The following CFI variants were observed in gnomAD, a reference collection of about 807,000 sequenced individuals.
The protein encoded by CFI is complement factor I, also known as C3B/C4B inactivator.
CFI carries 66 observed loss-of-function variants against 78.8 expected under a neutral mutation model. The ratio of observed to expected loss-of-function variants is 0.84; its 90% CI spans 0.69 to 1.03. The LOEUF (loss-of-function observed/expected upper bound fraction) is 1.03. Among genes scored for constraint, CFI ranks in the 50% least tolerant of loss-of-function variants. CFI has a pLI of 0.00. For missense variants in CFI, 706 were observed against 704.5 expected, an observed-to-expected ratio of 1.00 and a Z score of -0.02; for synonymous variants, 250 against 232.6, an observed-to-expected ratio of 1.07 and a Z score of -0.68.
rs753578849 is a variant in CFI, at chr4:109,746,339, C to CT, written c.1311dup (p.Asp438ArgfsTer8). On this transcript the variant is annotated frameshift_variant, in exon 11 of 13. Coordinates refer to ENST00000394634, the MANE Select transcript of CFI (RefSeq NM_000204.5). LOFTEE classifies it high-confidence loss of function. ...AGCTCACAATCTTTTTTGTTTCCGT[C>CT]TTTTTTCATTTCAATCAAAGCGATG... 9 of 1,614,026 alleles carry CT rather than the reference C, an allele frequency of 5.6e-6. No homozygotes were observed. Among genetic ancestry groups the CT allele is most frequent in the Non-Finnish European group, 8.5e-7 (1 of 1,180,008 alleles).
intron 10 of CFI, among the ~76,000 whole-genome samples, chr4:109,747,937 C>A (rs1724681562): frequency 6.6e-6 from 1 of 152,182 alleles, no homozygotes; most frequent in African/African-American, 2.4e-5. Context: ...AATGCTGCTG[C>A]TGATCTGACA....
intron 1 of CFI, among the ~76,000 whole-genome samples, chr4:109,777,189 A>G (rs1729363923): frequency 1.3e-5 from 2 of 152,222 alleles, no homozygotes; most frequent in African/African-American, 4.8e-5. Flanking sequence ...AATTGGATAA[A>G]GAGTCAAGAC....
chr4:109,746,858 A>C (rs888440666), intron 10 of CFI, among the ~76,000 whole-genome samples: 1 of 152,224 alleles, frequency 6.6e-6, no homozygotes, highest in South Asian at 2.1e-4. Context: ...AATGTAGTTA[A>C]GGAACTAGGG....
At chr4:109,785,393 TTTTG>T (rs565288107) in intron 1 of CFI, among the ~76,000 whole-genome samples, 179 of 152,210 alleles carry the variant, frequency 1.2e-3, no homozygotes, top group Non-Finnish European at 1.7e-3. Context: ...GTGTTGAAAA[TTTTG>T]TTTGTTTTAA....
intron 1 of CFI, among the ~76,000 whole-genome samples, chr4:109,789,020 G>T (rs4371619): frequency 0.24 from 36,598 of 151,650 alleles, 4,985 homozygotes; most frequent in Admixed American, 0.36. Context: ...TAAAGACACA[G>T]ATGATATGAA....
chr4:109,749,776 A>C (rs1386359396), intron 8 of CFI, among the ~76,000 whole-genome samples, 174 bp from the exon 9 acceptor site: 1 of 152,180 alleles, frequency 6.6e-6, no homozygotes, highest in Admixed American at 6.5e-5. Flanking sequence ...TTATTTAAAA[A>C]TTCTGGCTTG....
At chr4:109,743,000 T>C (rs1723993271) in intron 11 of CFI, among the ~76,000 whole-genome samples, 1 of 152,240 alleles carries the variant, frequency 6.6e-6, no homozygotes, top group Non-Finnish European at 1.5e-5. Flanking sequence ...AATGTTTTAA[T>C]ATAAGAACTT....
intron 1 of CFI, among the ~76,000 whole-genome samples, chr4:109,799,456 G>A (rs1732481106): frequency 6.6e-6 from 1 of 152,144 alleles, no homozygotes; most frequent in African/African-American, 2.4e-5. Context: ...AGTGAGAAAC[G>A]TACATGGTCA....
At chr4:109,765,038 C>A (rs1219782750) in intron 2 of CFI, among the ~76,000 whole-genome samples, 1 of 152,174 alleles carries the variant, frequency 6.6e-6, no homozygotes, top group African/African-American at 2.4e-5. Flanking sequence ...AAAGTCCATG[C>A]TCTCAAAAGT....
intron 6 of CFI, 60 bp from the exon 7 acceptor site, chr4:109,757,843 A>G (rs1726519545): frequency 7.4e-7 from 1 of 1,352,316 alleles, no homozygotes; most frequent in Non-Finnish European, 1.0e-6. Flanking sequence ...AATGCACACT[A>G]TAGCAATATA....
chr4:109,742,703 T>C (rs1397188102), intron 11 of CFI, 108 bp from the exon 12 acceptor site: 2 of 729,080 alleles, frequency 2.7e-6, no homozygotes, highest in Middle Eastern at 3.7e-4. Flanking sequence ...TAGTTTTCAA[T>C]ATATATAAAT....
At chr4:109,791,564 A>G (rs968005358) in intron 1 of CFI, among the ~76,000 whole-genome samples, 9 of 152,062 alleles carry the variant, frequency 5.9e-5, no homozygotes, top group African/African-American at 2.2e-4. Context: ...CAGGGTTTTC[A>G]TAGTTTTGGG....
chr4:109,766,541 A>G lies in CFI; in HGVS notation c.328+13T>C, dbSNP rs747003789. ...TATATCATAGAATGACTTGAAAACT[A>G]GTCTCTTGCTACCTTCGGCTGTGCA... On this transcript the variant is annotated intron_variant, in intron 2 of 12. Coordinates refer to ENST00000394634, the MANE Select transcript of CFI (RefSeq NM_000204.5). 1.9e-6 allele frequency: 3 copies of G among 1,613,852 alleles called. No individual in the cohort carries two copies. The highest frequency in any genetic ancestry group is 2.5e-6 in the Non-Finnish European group (3 of 1,179,720).
chr4:109,781,550 A>T (rs1033014682), intron 1 of CFI, among the ~76,000 whole-genome samples: 3 of 152,174 alleles, frequency 2.0e-5, no homozygotes, highest in Admixed American at 2.0e-4. Context: ...CCAGGACCAG[A>T]CAGATTCACA....
At chr4:109,799,308 T>C (rs777657190) in intron 1 of CFI, among the ~76,000 whole-genome samples, 9 of 152,208 alleles carry the variant, frequency 5.9e-5, no homozygotes. Flanking sequence ...CTGCTCTGAG[T>C]TCTGAGCTAG....
intron 7 of CFI, among the ~76,000 whole-genome samples, chr4:109,752,973 T>TAA (rs1216175419): frequency 1.0e-4 from 10 of 98,460 alleles, no homozygotes; most frequent in South Asian, 5.7e-4. Flanking sequence ...TATATATTTA[T>TAA]TATATGAATA....
chr4:109,782,549 TC>T (rs879381702), intron 1 of CFI, among the ~76,000 whole-genome samples: 18 of 151,436 alleles, frequency 1.2e-4, no homozygotes, highest in Non-Finnish European at 2.2e-4. Flanking sequence ...TGGAAACACA[TC>T]CCATGCTCAT....
At chr4:109,738,412 A>G (rs958184728), downstream of CFI, among the ~76,000 whole-genome samples, 11 of 151,956 alleles carry the variant, frequency 7.2e-5, no homozygotes, top group Non-Finnish European at 1.2e-4. Flanking sequence ...GCGCCCAGCC[A>G]CTTTTCTCTT....
At chr4:109,756,888 G>GGAAA (rs561123299) in intron 7 of CFI, among the ~76,000 whole-genome samples, 1,339 of 57,772 alleles carry the variant, frequency 0.023, 131 homozygotes, top group Admixed American at 0.029. Context: ...AAGAAAGAAA[G>GGAAA]GAAAGAAAGA....
Sources: gnomAD v4.1 joint callset for allele counts (sites outside exome capture counted in the v4.1 genomes callset) on GRCh38, gnomAD v4.1.1 for gene constraint, MANE v1.5 for transcripts, NCBI Gene and HGNC (gene_info 2026-07-23, HGNC 2026-07-21) for gene names.